SIRPA: variants seen among roughly 807,000 people sequenced by gnomAD.
The protein encoded by SIRPA is tyrosine-protein phosphatase non-receptor type substrate 1.
In SIRPA, 9 loss-of-function variants were observed where a neutral mutation model predicts 50.3. That is an observed-to-expected ratio of 0.18 (90% CI 0.11 to 0.31). The LOEUF (loss-of-function observed/expected upper bound fraction) is 0.31, where lower values mean the gene tolerates loss of function less well. Among genes scored for constraint, SIRPA ranks in the 10% least tolerant of loss-of-function variants. SIRPA has a pLI of 1.00. For missense variants in SIRPA, 474 were observed against 661.6 expected (o/e 0.72, Z 3.11); for synonymous variants, 265 against 284.1 (o/e 0.93, Z 0.68).
intron 4 of SIRPA, among the ~76,000 whole-genome samples, chr20:1,923,067 G>C (rs1046875965): frequency 2.6e-5 from 4 of 152,174 alleles, no homozygotes; most frequent in African/African-American, 9.7e-5. Context: ...GAGTCATTCA[G>C]GGTGTTTGCA....
At chr20:1,925,548 C>G (rs908280708) in intron 5 of SIRPA, among the ~76,000 whole-genome samples, 1 of 152,192 alleles carries the variant, frequency 6.6e-6, no homozygotes, top group South Asian at 2.1e-4. Context: ...GCACGTGTTA[C>G]GTGTGTGTCT....
In SIRPA at chr20:1,921,690, C is replaced by T. The variant is rs576530672; in HGVS notation, c.732C>T (p.Ala244=). 6.2e-7 allele frequency: 1 copy of T among 1,614,158 alleles called. No individual in the cohort carries two copies. The highest frequency in any genetic ancestry group is 1.1e-5 in the South Asian group (1 of 91,074). ...TLQGDPLRGT[A]NLSETIRVPP... is the part of the protein sequence containing the mutation. ...AGGGGGACCCTCTTCGTGGGACTGC[C>T]AACTTGTCTGAGACCATCCGAGGTA... The change falls in exon 3 of 8, where the codon GCC becomes GCT. Residue 244 remains alanine, a synonymous_variant. Coordinates refer to ENST00000358771, the MANE Select transcript of SIRPA (RefSeq NM_001040023.2).
At position 1,922,629 on chromosome 20, in the gene SIRPA, C is replaced by T. The variant is rs113658773; in HGVS notation, c.1071C>T (p.Gly357=). ...LKVSAHPKEQ[G]SNTAAENTGS... ...TCTCAGCCCACCCGAAGGAGCAGGG[C>T]TCAAATACCGCCGCTGGTGAGGCCT... Residue 357 remains glycine (G), a synonymous_variant, in exon 4 of 8, where the codon GGC becomes GGT. Coordinates refer to ENST00000358771, the MANE Select transcript of SIRPA (RefSeq NM_001040023.2). The T allele has an allele frequency of 3.4e-3, 5,480 of 1,612,498 alleles. 14 individuals carry two copies. The highest frequency in any genetic ancestry group is 4.0e-3 in the Non-Finnish European group (4,661 of 1,179,282).
At chr20:1,900,534 C>T (rs1276828751) in intron 1 of SIRPA, among the ~76,000 whole-genome samples, 2 of 152,186 alleles carry the variant, frequency 1.3e-5, no homozygotes, top group Non-Finnish European at 2.9e-5. Flanking sequence ...CACAGGTCTG[C>T]AGTTGTGGAT....
chr20:1,908,321 C>T (rs1984668503), intron 1 of SIRPA, among the ~76,000 whole-genome samples: 2 of 152,106 alleles, frequency 1.3e-5, no homozygotes, highest in Middle Eastern at 3.4e-3. Flanking sequence ...CACATTTACG[C>T]ATACAGCACT....
chr20:1,923,978 CTGGTTGGTTGGTTGGT>C (rs35923845), intron 4 of SIRPA, among the ~76,000 whole-genome samples: 54 of 150,162 alleles, frequency 3.6e-4, no homozygotes, highest in African/African-American at 8.4e-4. Flanking sequence ...AGTTGGTTGG[CTGGTTGGTTGGTTGGT>C]TGGTTGGTTG....
rs1568510737 is a variant in SIRPA at position 1,927,729 on chromosome 20, G to A, written c.1202-146G>A. The A allele has an allele frequency of 1.5e-5, 11 of 736,070 alleles. No individual in the cohort carries two copies. The highest frequency in any genetic ancestry group is 2.5e-5 in the Non-Finnish European group (10 of 405,842). 45.6% of individuals were successfully genotyped at this position (736,070 alleles called of 1,614,324 possible). A position where few individuals can be genotyped will look rare whatever the true frequency, so the allele number is the denominator to read the frequency against. ...GTGGAAGAGGATGCCCACTGGGTGGGCATGGGGGTCTCCTGTGGTTCCAAG... is the reference window on the plus strand; with the variant it reads ...GTGGAAGAGGATGCCCACTGGGTGGACATGGGGGTCTCCTGTGGTTCCAAG... On this transcript the variant is annotated intron_variant, in intron 5 of 7. Transcript: ENST00000358771. This position sits in a 1 kb window ranked among gnomAD's most constrained non-coding sequence, Gnocchi z 6.5.
At chr20:1,913,564 G>A (rs929410149) in intron 1 of SIRPA, among the ~76,000 whole-genome samples, 8 of 152,160 alleles carry the variant, frequency 5.3e-5, no homozygotes, top group Non-Finnish European at 8.8e-5. Flanking sequence ...CACATGAAGG[G>A]TCAGTGGAGA....
chr20:1,926,489 G>A (rs1985988885), intron 5 of SIRPA, among the ~76,000 whole-genome samples: 1 of 152,244 alleles, frequency 6.6e-6, no homozygotes, highest in Non-Finnish European at 1.5e-5. Flanking sequence ...TTGCAGGGCT[G>A]CAGCTCTGGT....
Position 1,928,637 on chromosome 20 carries a change from G to A in SIRPA, c.1226+738G>A, listed in dbSNP as rs576903773. Reference sequence around the variant, plus strand: ...CTGCAAGGAGATGGAGGTGAATGGTGGGGGGCTGTCTTAGGCAGAGGAAGG... The same window carrying A: ...CTGCAAGGAGATGGAGGTGAATGGTAGGGGGCTGTCTTAGGCAGAGGAAGG... On this transcript the variant is annotated intron_variant, in intron 6 of 7. Transcript: ENST00000358771. This position sits in a 1 kb window ranked among gnomAD's most constrained non-coding sequence, Gnocchi z 4.9. Among the ~76,000 whole-genome samples the A allele has an allele frequency of 6.6e-6, 1 of 152,132 alleles. No homozygotes were observed. Among genetic ancestry groups the A allele is most frequent in the Non-Finnish European group, 1.5e-5 (1 of 68,026 alleles).
chr20:1,898,724 C>A lies in SIRPA; in HGVS notation c.79+3198C>A, dbSNP rs1002479439. On this transcript the variant is annotated intron_variant, in intron 1 of 7. Transcript: ENST00000358771. This position sits in a 1 kb window ranked among gnomAD's most constrained non-coding sequence, Gnocchi z 4.3. Reference sequence around the variant, plus strand: ...GGAGTGAGAGAGGCCCCTTTCTGGCCTTGGGTGGAGGACTGTAGAAGAGTT... The same window carrying A: ...GGAGTGAGAGAGGCCCCTTTCTGGCATTGGGTGGAGGACTGTAGAAGAGTT... 1.3e-5 allele frequency among the ~76,000 whole-genome samples: 2 copies of A among 151,934 alleles called. No homozygotes were observed. Among genetic ancestry groups the A allele is most frequent in the Non-Finnish European group, 2.9e-5 (2 of 68,016 alleles).
At position 1,895,543 on chromosome 20, in the gene SIRPA, TC is replaced by T. The variant is rs1221815122; in HGVS notation, c.79+21del. ...CCTGGTCAGGTAAGCACCCCCCCGC[TC>T]CCCACCGCTGCACTCCCCAAACTGC... On this transcript the variant is annotated intron_variant, in intron 1 of 7. Coordinates refer to ENST00000358771, the MANE Select transcript of SIRPA (RefSeq NM_001040023.2). 1.4e-6 allele frequency: 2 copies of T among 1,431,048 alleles called. No homozygotes were observed. The allele number at this position is 1,431,048 out of a possible 1,614,324, so 88.6% of individuals were successfully genotyped here.
At chr20:1,919,744 C>T (rs904936014) in intron 2 of SIRPA, among the ~76,000 whole-genome samples, 15 of 152,090 alleles carry the variant, frequency 9.9e-5, no homozygotes, top group Middle Eastern at 3.2e-3. Flanking sequence ...TGGAGGGAGG[C>T]GCCTGTGATC....
chr20:1,920,413 T>C (rs6105929), intron 2 of SIRPA, among the ~76,000 whole-genome samples: 15,769 of 152,188 alleles, frequency 0.1, 1,833 homozygotes, highest in African/African-American at 0.29. Flanking sequence ...TATGGGGTAA[T>C]GATTAGCAAT....
chr20:1,915,514 C>T, intron 2 of SIRPA, 59 bp downstream of exon 2: 1 of 1,573,002 alleles, frequency 6.4e-7, no homozygotes, highest in South Asian at 1.1e-5. Flanking sequence ...AATAATAACA[C>T]CCTCCATTCT....
intron 2 of SIRPA, among the ~76,000 whole-genome samples, chr20:1,919,420 G>T (rs1241009611): frequency 6.6e-6 from 1 of 152,196 alleles, no homozygotes; most frequent in Non-Finnish European, 1.5e-5. Flanking sequence ...CAGCTTTTCA[G>T]GGTGTGGATG....
intron 1 of SIRPA, among the ~76,000 whole-genome samples, chr20:1,909,765 A>G (rs1395063914): frequency 2.6e-5 from 4 of 152,236 alleles, no homozygotes; most frequent in African/African-American, 9.6e-5. Flanking sequence ...CTGGGTGATG[A>G]GAGTGAGACT....
At chr20:1,899,362 C>T (rs1294525838) in intron 1 of SIRPA, among the ~76,000 whole-genome samples, 8 of 152,182 alleles carry the variant, frequency 5.3e-5, no homozygotes, top group African/African-American at 1.9e-4. Flanking sequence ...TTGCTGGCTA[C>T]TCAGCCACAC....
chr20:1,924,890 C>A lies in SIRPA; in HGVS notation c.1201+13C>A. 1 of 1,593,690 alleles carries A rather than the reference C, an allele frequency of 6.3e-7. No homozygotes were observed. The highest frequency in any genetic ancestry group is 2.2e-5 in the East Asian group (1 of 44,758). On this transcript the variant is annotated intron_variant, in intron 5 of 7. Transcript: ENST00000358771. This position sits in a 1 kb window ranked among gnomAD's most constrained non-coding sequence, Gnocchi z 4.5. The stretch of plus-strand genomic sequence containing the variant: ...AGACAGAAGAAAGGTGGGTGCATTC[C>A]CCTCTTCCTCCCTAAGGGTTTGTCC...
Sources: gnomAD v4.1 joint callset for allele counts (sites outside exome capture counted in the v4.1 genomes callset) on GRCh38, gnomAD v4.1.1 for gene constraint, Gnocchi (gnomAD v3.1) non-coding constraint, MANE v1.5 for transcripts, NCBI Gene and HGNC (gene_info 2026-07-23, HGNC 2026-07-21) for gene names.